CADM4: variants seen among roughly 807,000 people sequenced by gnomAD.
The protein encoded by CADM4 is cell adhesion molecule 4, also known as TSLC1-like 2.
A neutral mutation model predicts 43.9 loss-of-function variants in CADM4; 13 were observed. That is an observed-to-expected ratio of 0.30 (90% CI 0.19 to 0.47). CADM4 has a LOEUF of 0.47. Among genes scored for constraint, CADM4 ranks in the 20% least tolerant of loss-of-function variants. The probability of loss-of-function intolerance (pLI) is 1.00; values close to 1 mark genes in which losing one functional copy is unlikely to be tolerated. For missense variants in CADM4, 420 were observed against 527.0 expected, an observed-to-expected ratio of 0.80 and a Z score of 1.99; for synonymous variants, 209 against 220.9, an observed-to-expected ratio of 0.95 and a Z score of 0.48.
At chr19:43,634,885 G>A (rs1383110115) in intron 1 of CADM4, among the ~76,000 whole-genome samples, 1 of 151,582 alleles carries the variant, frequency 6.6e-6, no homozygotes, top group Middle Eastern at 3.4e-3. Flanking sequence ...TTCCGCCTTA[G>A]ACCCAGGAAT....
upstream of CADM4, among the ~76,000 whole-genome samples, chr19:43,640,845 G>A (rs145571280): frequency 5.9e-3 from 894 of 152,224 alleles, 5 homozygotes; most frequent in Middle Eastern, 0.027. Context: ...CCTGATGCGG[G>A]ATCATTACCT....
upstream of CADM4, among the ~76,000 whole-genome samples, chr19:43,640,195 A>G (rs1973758638): frequency 8.9e-6 from 1 of 111,888 alleles, no homozygotes; most frequent in Non-Finnish European, 1.9e-5. Context: ...CGCGGAGGGG[A>G]GGGTGGCAGG....
At chr19:43,641,247 G>A (rs1281770444), upstream of CADM4, among the ~76,000 whole-genome samples, 4 of 152,194 alleles carry the variant, frequency 2.6e-5, no homozygotes, top group African/African-American at 9.7e-5. Flanking sequence ...GATTACAGGC[G>A]TGAGCCACCA....
intron 1 of CADM4, among the ~76,000 whole-genome samples, chr19:43,639,444 G>C (rs973681859): frequency 2.6e-4 from 39 of 151,246 alleles, no homozygotes; most frequent in African/African-American, 9.5e-4. Context: ...GGACCGGCCT[G>C]GGGAGGGCGG....
Position 43,627,302 on chromosome 19 carries a change from A to G in CADM4, c.228T>C (p.Arg76=), listed in dbSNP as rs1973545774. The change falls in exon 3 of 9, where the codon CGT becomes CGC. Residue 76 remains arginine (R), a synonymous_variant. Transcript: ENST00000222374. The surrounding 1 kb of genome is among the most constrained non-coding windows in gnomAD (Gnocchi z 4.0). ...FNGTRALKDE[R]FQLEEFSPRR... ...GTGGGGAGAACTCCTCAAGCTGGAA[A>G]CGCTCATCCTTCAAGGCTAGAGAGA... is the stretch of plus-strand genomic sequence containing the variant. 3.1e-6 allele frequency: 5 copies of G among 1,600,046 alleles called. No individual in the cohort carries two copies. Among genetic ancestry groups the G allele is most frequent in the Non-Finnish European group, 4.3e-6 (5 of 1,172,122 alleles).
rs578178927 is a variant in CADM4, at chr19:43,623,853, G to A, written c.1057+261C>T. ...GCTTCTCAAGTGCTTTATCCGCCTTGGCCTCCCAACGTGCTGGGATTACAG... is the reference window on the plus strand; with the variant it reads ...GCTTCTCAAGTGCTTTATCCGCCTTAGCCTCCCAACGTGCTGGGATTACAG... On this transcript the variant is annotated intron_variant, in intron 8 of 8. Coordinates refer to ENST00000222374, the MANE Select transcript of CADM4 (RefSeq NM_145296.2). This position sits in a 1 kb window ranked among gnomAD's most constrained non-coding sequence, Gnocchi z 4.4. Among the ~76,000 whole-genome samples, 1 of 152,278 alleles carries A rather than the reference G, an allele frequency of 6.6e-6. No homozygotes were observed. The highest frequency in any genetic ancestry group is 1.9e-4 in the East Asian group (1 of 5,176).
At chr19:43,629,531 G>T (rs1973585004) in intron 1 of CADM4, among the ~76,000 whole-genome samples, 1 of 152,152 alleles carries the variant, frequency 6.6e-6, no homozygotes, top group African/African-American at 2.4e-5. Context: ...TTAGGTACTT[G>T]CAGTGTTAGT....
chr19:43,624,153 C>G lies in CADM4; in HGVS notation c.1018G>C (p.Val340Leu). The stretch of plus-strand genomic sequence containing the variant: ...GAGCACCAGACCATGCCCACTAGCA[C>G]ACATATGATCAGAAACACCAGCAGC... ...LALLVFLIIC[V>L]LVGMVWCSVR... The change falls in exon 8 of 9, where the codon GTG becomes CTG. Residue 340 changes from valine (V) to leucine (L), a missense_variant. By Grantham distance (32) the Val-to-Leu change is conservative. Coordinates refer to ENST00000222374, the MANE Select transcript of CADM4 (RefSeq NM_145296.2). 1.2e-6 allele frequency: 2 copies of G among 1,614,182 alleles called. No homozygotes were observed. The highest frequency in any genetic ancestry group is 1.7e-6 in the Non-Finnish European group (2 of 1,180,036).
Position 43,623,301 on chromosome 19 carries a change from C to A in CADM4, c.*29G>T, listed in dbSNP as rs1485797600. On this transcript the variant is annotated 3_prime_UTR_variant, in exon 9 of 9. Transcript: ENST00000222374. The surrounding 1 kb of genome is among the most constrained non-coding windows in gnomAD (Gnocchi z 4.4). ...CAGTGGGGGGGACCCCAGCCCAGGC[C>A]CAGGCCTAGGCCTGGGGTGGGGATA... 8 of 1,580,970 alleles carry A rather than the reference C, an allele frequency of 5.1e-6. No homozygotes were observed. The highest frequency in any genetic ancestry group is 2.6e-6 in the Non-Finnish European group (3 of 1,151,306).
Position 43,639,802 on chromosome 19 carries a change from C to A in CADM4, c.-12G>T, listed in dbSNP as rs1356917362. 3.0e-6 allele frequency: 3 copies of A among 999,648 alleles called. No homozygotes were observed. The African/African-American group carries it at 5.3e-5, about 18-fold the overall frequency. 61.9% of individuals were successfully genotyped at this position (999,648 alleles called of 1,614,324 possible). A position where few individuals can be genotyped will look rare whatever the true frequency, so the allele number is the denominator to read the frequency against. ...CGGGCCCGGCCCATGGTGCCGCCGC[C>A]GCCGCCGCCGCCGCTCGCTCCCGGC... On this transcript the variant is annotated 5_prime_UTR_variant, in exon 1 of 9. Transcript: ENST00000222374.
In CADM4 at chr19:43,622,455, GGTTTTTTGTTTTTT is replaced by G. The variant is rs767127201; in HGVS notation, c.*861_*874del. 2 of 152,074 alleles carry G rather than the reference GGTTTTTTGTTTTTT, an allele frequency of 1.3e-5. No homozygotes were observed. The highest frequency in any genetic ancestry group is 2.4e-5 in the African/African-American group (1 of 41,364). 9.4% of individuals were successfully genotyped at this position (152,074 alleles called of 1,614,324 possible). A position where few individuals can be genotyped will look rare whatever the true frequency, so the allele number is the denominator to read the frequency against. ...CCCACCCCGTACAAAATGTGTGTGTGGTTTTTTGTTTTTTGTTTTTTGTTTTTTAACAAGAAAAA... is the reference window on the plus strand; with the variant it reads ...CCCACCCCGTACAAAATGTGTGTGTGGTTTTTTGTTTTTTAACAAGAAAAA... On this transcript the variant is annotated 3_prime_UTR_variant, in exon 9 of 9. Coordinates refer to ENST00000222374, the MANE Select transcript of CADM4 (RefSeq NM_145296.2).
chr19:43,625,132 C>T lies in CADM4; in HGVS notation c.874G>A (p.Glu292Lys). 1 of 1,613,994 alleles carries T rather than the reference C, an allele frequency of 6.2e-7. No homozygotes were observed. The highest frequency in any genetic ancestry group is 8.5e-7 in the Non-Finnish European group (1 of 1,179,970). Residue 292 changes from glutamate (E) to lysine (K), a missense_variant, in exon 7 of 9, where the codon GAG (glutamate) becomes AAG (lysine). Transcript: ENST00000222374. This position sits in a 1 kb window ranked among gnomAD's most constrained non-coding sequence, Gnocchi z 4.5. ...VSADNGTYTC[E>K]ASNKHGHARA... ...GCATGGCCGTGCTTATTGGACGCCT[C>T]GCAAGTGTAGGTGCCGTTATCCGCG... is the stretch of plus-strand genomic sequence containing the variant.
At chr19:43,630,201 G>A (rs1006001811) in intron 1 of CADM4, among the ~76,000 whole-genome samples, 6 of 146,526 alleles carry the variant, frequency 4.1e-5, no homozygotes, top group East Asian at 2.1e-4. Context: ...CACTGTGCCC[G>A]GCCTGCGCTA....
In CADM4 at chr19:43,639,785, G is replaced by C. The variant is rs936571856; in HGVS notation, c.6C>G (p.Gly2=). The C allele has an allele frequency of 3.8e-4, 382 of 1,009,084 alleles. No individual in the cohort carries two copies. In the African/African-American group the frequency reaches 5.2e-3, roughly 14 times the overall value. 62.5% of individuals were successfully genotyped at this position (1,009,084 alleles called of 1,614,324 possible). ...GCGGCCACTGGAAGCGCCGGGCCCG[G>C]CCCATGGTGCCGCCGCCGCCGCCGC... M[G]RARRFQWPLL... The change falls in exon 1 of 9, where the codon GGC becomes GGG. Residue 2 remains glycine (G), a synonymous_variant. Coordinates refer to ENST00000222374, the MANE Select transcript of CADM4 (RefSeq NM_145296.2).
At chr19:43,638,643 A>C (rs1322785888) in intron 1 of CADM4, among the ~76,000 whole-genome samples, 1 of 152,162 alleles carries the variant, frequency 6.6e-6, no homozygotes, top group Non-Finnish European at 1.5e-5. Context: ...CCAGCTTCTC[A>C]CAGTGTGTGA....
Position 43,639,716 on chromosome 19 carries a change from C to A in CADM4, c.64+11G>T. ...CCAGCCCGGCCGGCCGACCCCGGCC[C>A]CCGACCCTACCTGGCCCCGCCGCGG... On this transcript the variant is annotated intron_variant, in intron 1 of 8. Coordinates refer to ENST00000222374, the MANE Select transcript of CADM4 (RefSeq NM_145296.2). 1 of 998,346 alleles carries A rather than the reference C, an allele frequency of 1.0e-6. No individual in the cohort carries two copies. Among genetic ancestry groups the A allele is most frequent in the South Asian group, 4.1e-5 (1 of 24,402 alleles). 61.8% of individuals were successfully genotyped at this position (998,346 alleles called of 1,614,324 possible).
chr19:43,628,760 A>T (rs1296924501), intron 1 of CADM4, among the ~76,000 whole-genome samples: 1 of 152,230 alleles, frequency 6.6e-6, no homozygotes, highest in Admixed American at 6.5e-5. Flanking sequence ...TTGCATGAAG[A>T]TACCCAGACT....
chr19:43,625,856 C>T lies in CADM4; in HGVS notation c.755+55G>A. 6.7e-7 allele frequency: 1 copy of T among 1,481,634 alleles called. No homozygotes were observed. The highest frequency in any genetic ancestry group is 9.4e-7 in the Non-Finnish European group (1 of 1,062,364). 91.8% of individuals were successfully genotyped at this position (1,481,634 alleles called of 1,614,324 possible). A position where few individuals can be genotyped will look rare whatever the true frequency, so the allele number is the denominator to read the frequency against. On this transcript the variant is annotated intron_variant, in intron 6 of 8. Transcript: ENST00000222374. The surrounding 1 kb of genome is among the most constrained non-coding windows in gnomAD (Gnocchi z 4.5). ...GGAGTCCAAGTCCCTGGTCCCTGTT[C>T]TTCCAGGTCCCCAGCTTTCTCCTCC...
chr19:43,639,927 G>A, upstream of CADM4: 2 of 644,064 alleles, frequency 3.1e-6, no homozygotes, highest in Non-Finnish European at 3.8e-6. Flanking sequence ...GCCGGGGAGG[G>A]GAGGGGGAGA....
Sources: gnomAD v4.1 joint callset for allele counts (sites outside exome capture counted in the v4.1 genomes callset) on GRCh38, gnomAD v4.1.1 for gene constraint, Gnocchi (gnomAD v3.1) non-coding constraint, MANE v1.5 for transcripts, NCBI Gene and HGNC (gene_info 2026-07-23, HGNC 2026-07-21) for gene names.